Variants in GTF2I observed in about 807,000 individuals in gnomAD.
GTF2I encodes the protein general transcription factor II-I.
In GTF2I, 12 loss-of-function variants were observed where a neutral mutation model predicts 67.6. The ratio of observed to expected loss-of-function variants is 0.18; its 90% CI spans 0.11 to 0.29. The LOEUF (loss-of-function observed/expected upper bound fraction) is 0.29, where lower values mean the gene tolerates loss of function less well. Among genes scored for constraint, GTF2I ranks in the 10% least tolerant of loss-of-function variants. The pLI, the probability that GTF2I is intolerant of heterozygous loss-of-function variation, is 1.00. For missense variants in GTF2I, 271 were observed against 580.1 expected (o/e 0.47, Z 5.47); for synonymous variants, 149 against 197.0 (o/e 0.76, Z 2.04).
chr7:74,687,705 G>T, intron 1 of GTF2I: 1 of 304,620 alleles, frequency 3.3e-6, no homozygotes, highest in Non-Finnish European at 4.8e-6. Flanking sequence ...ACATTTTTAG[G>T]CATAACAGTT....
At chr7:74,673,108 C>T (rs969032564) in intron 1 of GTF2I, among the ~76,000 whole-genome samples, 7 of 152,172 alleles carry the variant, frequency 4.6e-5, no homozygotes, top group Admixed American at 4.6e-4. Context: ...GATCTGCCCG[C>T]CTTGGCCTCC....
At chr7:74,696,978 C>G (rs1271329509) in intron 3 of GTF2I, among the ~76,000 whole-genome samples, 2 of 151,936 alleles carry the variant, frequency 1.3e-5, no homozygotes, top group African/African-American at 2.4e-5. Flanking sequence ...ATGTGAGTCT[C>G]TCACATAATT....
chr7:74,664,749 T>G (rs1203036087), intron 1 of GTF2I, among the ~76,000 whole-genome samples: 1 of 151,488 alleles, frequency 6.6e-6, no homozygotes, highest in Non-Finnish European at 1.5e-5. Context: ...CTATGTAGGA[T>G]TTTTAAAGAA....
In GTF2I at chr7:74,713,634, T is replaced by C. The variant is rs587756171; in HGVS notation, c.764-1223T>C. Among the ~76,000 whole-genome samples the C allele has an allele frequency of 1.2e-4, 18 of 152,296 alleles. No individual in the cohort carries two copies. The South Asian group carries it at 3.7e-3, about 32-fold the overall frequency. On this transcript the variant is annotated intron_variant, in intron 9 of 34. Coordinates refer to ENST00000573035, the MANE Select transcript of GTF2I (RefSeq NM_032999.4). ...TACACAGTGGGAATCCTAGGAAACATGCTTGTAATTGACTTAATGAGGGCC... is the reference window on the plus strand; with the variant it reads ...TACACAGTGGGAATCCTAGGAAACACGCTTGTAATTGACTTAATGAGGGCC...
At position 74,690,969 on chromosome 7, in the gene GTF2I, G is replaced by A; in HGVS notation, c.100-4G>A. The A allele has an allele frequency of 6.2e-7, 1 of 1,610,356 alleles. No homozygotes were observed. The highest frequency in any genetic ancestry group is 8.5e-7 in the Non-Finnish European group (1 of 1,179,056). ...TAACATGATGTTTGCTGTTTGTATT[G>A]TAGTGTAAAGAACTGGCCAAGTCCA... On this transcript the variant is annotated splice_polypyrimidine_tract_variant and splice_region_variant and intron_variant, in intron 2 of 34. Transcript: ENST00000573035.
Position 74,711,041 on chromosome 7 carries a change from T to G in GTF2I, c.695T>G (p.Leu232Arg). ...GCATTTGCTTTTCTAGGCATTTCCC[T>G]GGAAATGGCAGCTGTGACAGTAAAG... ...TEPTEDSGIS[L>R]EMAAVTVKEE... The change falls in exon 9 of 35, where the codon CTG (leucine) becomes CGG (arginine). Residue 232 changes from leucine (L) to arginine (R), a missense_variant. Around this residue, in one of 9 missense-constraint regions of GTF2I, gnomAD observed 124 missense variants for 147.0 expected, o/e 0.84. Coordinates refer to ENST00000573035, the MANE Select transcript of GTF2I (RefSeq NM_032999.4). 6.6e-7 allele frequency: 1 copy of G among 1,525,506 alleles called. No individual in the cohort carries two copies. Among genetic ancestry groups the G allele is most frequent in the Non-Finnish European group, 9.0e-7 (1 of 1,116,608 alleles). The allele number at this position is 1,525,506 out of a possible 1,614,324, so 94.5% of individuals were successfully genotyped here.
chr7:74,717,166 AGTG>A (rs1463454118), intron 11 of GTF2I: 57 of 460,874 alleles, frequency 1.2e-4, no homozygotes, highest in Non-Finnish European at 1.8e-4. Context: ...AATGAAACTA[AGTG>A]GTAAGTAAAG....
At chr7:74,664,179 T>G (rs1804768374) in intron 1 of GTF2I, among the ~76,000 whole-genome samples, 1 of 152,162 alleles carries the variant, frequency 6.6e-6, no homozygotes, top group Non-Finnish European at 1.5e-5. Context: ...GGTATTGTCT[T>G]GATAATTCTT....
intron 12 of GTF2I, among the ~76,000 whole-genome samples, chr7:74,723,428 C>CATTTTTTTT: frequency 1.6e-5 from 1 of 61,072 alleles, no homozygotes; most frequent in African/African-American, 8.3e-5. Context: ...CTCCCGGCCT[C>CATTTTTTTT]TTTTTTTTTT....
At chr7:74,680,114 A>ATATATATATATATATATATATATATG (rs1339021361) in intron 1 of GTF2I, among the ~76,000 whole-genome samples, 4 of 121,474 alleles carry the variant, frequency 3.3e-5, no homozygotes, top group African/African-American at 9.8e-5. Context: ...ATATATATAT[A>ATATATATATATATATATATATATATG]TATGTATGTA....
chr7:74,665,865 C>T lies in GTF2I; in HGVS notation c.-6+7797C>T, dbSNP rs113316428. ...TTTTGTTTTGTTGAGATGGAGTCTC[C>T]CTCTGTCACCCAGGCTGGAGTGCAG... is the stretch of plus-strand genomic sequence containing the variant. On this transcript the variant is annotated intron_variant, in intron 1 of 34. Coordinates refer to ENST00000573035, the MANE Select transcript of GTF2I (RefSeq NM_032999.4). 5.7e-3 allele frequency among the ~76,000 whole-genome samples: 869 copies of T among 151,898 alleles called. 9 individuals carry two copies. Among genetic ancestry groups the T allele is most frequent in the African/African-American group, 0.02 (824 of 41,446 alleles).
intron 3 of GTF2I, among the ~76,000 whole-genome samples, chr7:74,697,631 A>G (rs896396974): frequency 2.6e-5 from 4 of 152,136 alleles, no homozygotes; most frequent in Non-Finnish European, 5.9e-5. Flanking sequence ...AAAGTAGTAC[A>G]AGGGTACTGG....
chr7:74,699,119 T>C, intron 4 of GTF2I, 24 bp downstream of exon 4: 1 of 1,338,232 alleles, frequency 7.5e-7, no homozygotes, highest in Non-Finnish European at 1.0e-6. Flanking sequence ...ATTTAATTTT[T>C]CTAAAAGATA....
intron 1 of GTF2I, among the ~76,000 whole-genome samples, chr7:74,662,204 C>CTTTTTTTTTTTTTTT (rs59914241): frequency 1.2e-5 from 1 of 82,596 alleles, no homozygotes; most frequent in African/African-American, 5.5e-5. Context: ...TTTTTTCTTT[C>CTTTTTTTTTTTTTTT]TTTTTTTTTT....
chr7:74,662,776 C>A (rs183013104), intron 1 of GTF2I, among the ~76,000 whole-genome samples: 121 of 152,186 alleles, frequency 8.0e-4, no homozygotes, highest in Non-Finnish European at 1.5e-4. Context: ...CCCGCCTAGG[C>A]CTCCCAAAGT....
chr7:74,681,279 A>C (rs1787245899), intron 1 of GTF2I, among the ~76,000 whole-genome samples: 1 of 152,128 alleles, frequency 6.6e-6, no homozygotes, highest in African/African-American at 2.4e-5. Context: ...TAAAAAAAAT[A>C]CAAAAATTAG....
intron 18 of GTF2I, among the ~76,000 whole-genome samples, chr7:74,737,043 A>C (rs1440346953): frequency 6.8e-6 from 1 of 147,152 alleles, no homozygotes; most frequent in Admixed American, 6.8e-5. Flanking sequence ...AAATACAAAA[A>C]TTAGCTGGAA....
chr7:74,665,500 C>T (rs782434497), intron 1 of GTF2I, among the ~76,000 whole-genome samples: 2 of 151,818 alleles, frequency 1.3e-5, no homozygotes, highest in Non-Finnish European at 2.9e-5. Flanking sequence ...GGTCCGCCCA[C>T]CTCAGCCTCT....
chr7:74,719,854 A>G (rs1249081444), intron 12 of GTF2I, among the ~76,000 whole-genome samples: 5 of 152,176 alleles, frequency 3.3e-5, no homozygotes, highest in African/African-American at 1.2e-4. Flanking sequence ...CTGGAGGCAG[A>G]GGTTGTAGTG....
Sources: allele counts gnomAD v4.1 joint callset (sites outside exome capture counted in the v4.1 genomes callset), GRCh38; gene constraint gnomAD v4.1.1; regional missense constraint gnomAD v4.1.1; transcripts MANE v1.5; gene names NCBI Gene and HGNC (gene_info 2026-07-23, HGNC 2026-07-21).